GRIK5: variants seen among roughly 807,000 people sequenced by gnomAD.
GRIK5 encodes the protein glutamate receptor ionotropic, kainate 5.
GRIK5 carries 43 observed loss-of-function variants against 97.4 expected under a neutral mutation model. The observed-to-expected ratio is 0.44, with a 90% CI of 0.35 to 0.57. GRIK5 has a LOEUF of 0.57. Among genes scored for constraint, GRIK5 ranks in the 20% least tolerant of loss-of-function variants. The pLI is 0.01. For missense variants in GRIK5, 1,015 were observed against 1,382.0 expected (o/e 0.73, Z 4.21); for synonymous variants, 580 against 583.5 (o/e 0.99, Z 0.09).
intron 15 of GRIK5, among the ~76,000 whole-genome samples, chr19:42,012,443 G>A (rs1461591386): frequency 6.6e-6 from 1 of 152,038 alleles, no homozygotes. Flanking sequence ...TAGAGATGGG[G>A]TTTCACCTTG....
At chr19:42,023,360 G>A (rs898907886) in intron 12 of GRIK5, among the ~76,000 whole-genome samples, 2 of 152,184 alleles carry the variant, frequency 1.3e-5, no homozygotes, top group African/African-American at 4.8e-5. Flanking sequence ...CCTGGGTGTT[G>A]AGCATAGGGA....
At chr19:42,067,525 T>C (rs2076353274) in intron 1 of GRIK5, among the ~76,000 whole-genome samples, 1 of 148,438 alleles carries the variant, frequency 6.7e-6, no homozygotes, top group Admixed American at 6.7e-5. Context: ...GTGGGAGGAG[T>C]GTGAAGGGCG....
In GRIK5 at chr19:42,003,717, C is replaced by T. The variant is rs369041728; in HGVS notation, c.2264-34G>A. 108 of 1,578,874 alleles carry T rather than the reference C, an allele frequency of 6.8e-5. No individual in the cohort carries two copies. In the African/African-American group the frequency reaches 8.1e-4, roughly 12 times the overall value. On this transcript the variant is annotated intron_variant, in intron 17 of 19. Coordinates refer to ENST00000593562, the MANE Select transcript of GRIK5 (RefSeq NM_002088.5). The surrounding 1 kb of genome is among the most constrained non-coding windows in gnomAD (Gnocchi z 4.2). ...GCACACGAGGGGCTGGACCAGCCATCGGGCCCTGCAGCCCTGACCGCCCCA... is the reference window on the plus strand; with the variant it reads ...GCACACGAGGGGCTGGACCAGCCATTGGGCCCTGCAGCCCTGACCGCCCCA...
chr19:42,036,061 ATTTATT>A lies in GRIK5; in HGVS notation c.1473+6485_1473+6490del, dbSNP rs200410893. Among the ~76,000 whole-genome samples the A allele has an allele frequency of 3.7e-4, 57 of 152,134 alleles. No individual in the cohort carries two copies. In the East Asian group the frequency reaches 7.5e-3, roughly 20 times the overall value. ...TGAAATGGACTTTATTTATTTATTT[ATTTATT>A]TTTATTTTTGAGACAGAGTCTCACT... On this transcript the variant is annotated intron_variant, in intron 12 of 19. Transcript: ENST00000593562.
At chr19:42,014,702 G>T (rs918580293) in intron 15 of GRIK5, among the ~76,000 whole-genome samples, 1 of 152,064 alleles carries the variant, frequency 6.6e-6, no homozygotes, top group Non-Finnish European at 1.5e-5. Context: ...AGAACCACCT[G>T]AACCCAGGAG....
Position 42,022,010 on chromosome 19 carries a change from G to A in GRIK5, c.1634C>T (p.Ala545Val). 1 of 1,614,018 alleles carries A rather than the reference G, an allele frequency of 6.2e-7. No homozygotes were observed. Among genetic ancestry groups the A allele is most frequent in the Non-Finnish European group, 8.5e-7 (1 of 1,179,888 alleles). ...GGCAAGAAGCATGAAGAGCCACACA[G>A]CAGGGGAGAAGGGGTCCAGGAAGGA... ...YFSFLDPFSP[A>V]VWLFMLLAYL... The change falls in exon 14 of 20, where the codon GCT becomes GTT. Residue 545 changes from alanine (A) to valine (V), a missense_variant. Transcript: ENST00000593562. This position sits in a 1 kb window ranked among gnomAD's most constrained non-coding sequence, Gnocchi z 4.2.
chr19:42,016,756 G>T (rs1255767160), intron 15 of GRIK5, among the ~76,000 whole-genome samples: 1 of 152,184 alleles, frequency 6.6e-6, no homozygotes, highest in Non-Finnish European at 1.5e-5. Flanking sequence ...GATGGCCCCT[G>T]ACAAGGTGTA....
chr19:42,029,857 C>T (rs1424286748), intron 12 of GRIK5, among the ~76,000 whole-genome samples: 1 of 151,924 alleles, frequency 6.6e-6, no homozygotes, highest in Non-Finnish European at 1.5e-5. Context: ...TATGAGTTGC[C>T]ACCAAAATCC....
chr19:42,067,343 C>T (rs549729033), intron 1 of GRIK5, among the ~76,000 whole-genome samples: 15 of 152,334 alleles, frequency 9.8e-5, no homozygotes, highest in Non-Finnish European at 1.5e-4. Context: ...CCCTGACTCA[C>T]TGCGTGATCT....
chr19:42,036,966 G>A (rs1169635799), intron 12 of GRIK5, among the ~76,000 whole-genome samples: 2 of 152,184 alleles, frequency 1.3e-5, no homozygotes, highest in Non-Finnish European at 2.9e-5. Context: ...AAGGCTCAGA[G>A]GGGGCAGCCA....
chr19:42,033,220 A>G (rs552291443), intron 12 of GRIK5, among the ~76,000 whole-genome samples: 3 of 149,198 alleles, frequency 2.0e-5, no homozygotes, highest in African/African-American at 7.4e-5. Context: ...CAGGAGGCTG[A>G]GGCAGGAGAA....
chr19:41,999,572 T>C lies in GRIK5; in HGVS notation c.2515-273A>G, dbSNP rs1453893316. On this transcript the variant is annotated intron_variant, in intron 19 of 19. Transcript: ENST00000593562. This position sits in a 1 kb window ranked among gnomAD's most constrained non-coding sequence, Gnocchi z 5.0. ...TCCACCTAAGCTCCTCTCTTTCCTC[T>C]GGTCTTTTCACTGTCTCTAAATTTT... is the stretch of plus-strand genomic sequence containing the variant. 1.3e-5 allele frequency among the ~76,000 whole-genome samples: 2 copies of C among 152,238 alleles called. No homozygotes were observed. The highest frequency in any genetic ancestry group is 6.5e-5 in the Admixed American group (1 of 15,278).
At position 42,059,435 on chromosome 19, in the gene GRIK5, G is replaced by T; in HGVS notation, c.601C>A (p.Pro201Thr). The T allele has an allele frequency of 1.9e-6, 3 of 1,613,872 alleles. No homozygotes were observed. Among genetic ancestry groups the T allele is most frequent in the Non-Finnish European group, 2.5e-6 (3 of 1,179,880 alleles). ...RMLDDSRDPT[P>T]LLKEIRDDKV... Reference sequence around the variant, plus strand: ...TCATCACGGATCTCCTTGAGCAGTGGTGTGGGGTCCCGGCTGTCGTCCAAC... The same window carrying T: ...TCATCACGGATCTCCTTGAGCAGTGTTGTGGGGTCCCGGCTGTCGTCCAAC... Residue 201 changes from proline to threonine, a missense_variant, in exon 6 of 20, where the codon CCA becomes ACA. This residue lies in a region of GRIK5 where 477 missense variants were observed against 701.1 expected (regional missense o/e 0.68). Transcript: ENST00000593562.
intron 11 of GRIK5, among the ~76,000 whole-genome samples, chr19:42,044,553 GAC>G (rs2076019895): frequency 6.6e-6 from 1 of 152,172 alleles, no homozygotes; most frequent in African/African-American, 2.4e-5. Context: ...AACTTATCTG[GAC>G]ACAGTTATTG....
At chr19:42,034,231 C>T (rs772376465) in intron 12 of GRIK5, among the ~76,000 whole-genome samples, 15 of 151,992 alleles carry the variant, frequency 9.9e-5, no homozygotes, top group African/African-American at 1.4e-4. Flanking sequence ...CGTGATGGAG[C>T]GTGCCTGTAA....
In GRIK5 at chr19:42,021,435, C is replaced by G; in HGVS notation, c.1737G>C (p.Leu579=). The G allele has an allele frequency of 6.2e-7, 1 of 1,605,154 alleles. No homozygotes were observed. Among genetic ancestry groups the G allele is most frequent in the Non-Finnish European group, 8.5e-7 (1 of 1,174,860 alleles). Residue 579 remains leucine, a synonymous_variant, in exon 15 of 20, where the codon CTG becomes CTC. Transcript: ENST00000593562. The surrounding 1 kb of genome is among the most constrained non-coding windows in gnomAD (Gnocchi z 4.2). ...TCTCCAGGATGTGGGGGCGTGCCCG[C>G]AGGCATGGGTGTGGGTTATACCACT... is the stretch of plus-strand genomic sequence containing the variant. ...PYEWYNPHPC[L]RARPHILENQ...
chr19:42,016,936 G>GTT (rs1208099678), intron 15 of GRIK5, among the ~76,000 whole-genome samples: 10 of 146,802 alleles, frequency 6.8e-5, no homozygotes, highest in Middle Eastern at 3.5e-3. Context: ...AAAAACCCAA[G>GTT]TTTTTTTTTT....
At chr19:42,050,248 C>T (rs186014201) in intron 11 of GRIK5, among the ~76,000 whole-genome samples, 2 of 152,114 alleles carry the variant, frequency 1.3e-5, no homozygotes, top group African/African-American at 4.8e-5. Context: ...ATACTTTAAT[C>T]CCCTCACTTT....
intron 12 of GRIK5, among the ~76,000 whole-genome samples, chr19:42,029,913 C>G (rs192663829): frequency 3.1e-4 from 47 of 152,316 alleles, no homozygotes; most frequent in Admixed American, 2.5e-3. Flanking sequence ...AGCACCCCCT[C>G]CTCAGCAGTC....
Sources: gnomAD v4.1 joint callset for allele counts (sites outside exome capture counted in the v4.1 genomes callset) on GRCh38, gnomAD v4.1.1 for gene constraint, gnomAD v4.1.1 regional missense constraint, Gnocchi (gnomAD v3.1) non-coding constraint, MANE v1.5 for transcripts, NCBI Gene and HGNC (gene_info 2026-07-23, HGNC 2026-07-21) for gene names.